Variants in ARMH3 observed in about 807,000 individuals in gnomAD.
ARMH3 encodes the protein armadillo like helical domain containing 3.
In ARMH3, 60 loss-of-function variants were observed where a neutral mutation model predicts 99.1. The observed-to-expected ratio is 0.61, with a 90% CI of 0.49 to 0.75. ARMH3 has a LOEUF of 0.75. Among genes scored for constraint, ARMH3 ranks in the 30% least tolerant of loss-of-function variants. The pLI, the probability that ARMH3 is intolerant of heterozygous loss-of-function variation, is 0.00. For synonymous variants in ARMH3, 285 were observed against 292.8 expected (o/e 0.97, Z 0.27); for missense variants, 679 against 843.1 (o/e 0.81, Z 2.41).
chr10:101,885,758 A>G (rs1188998182), intron 24 of ARMH3, among the ~76,000 whole-genome samples: 1 of 152,206 alleles, frequency 6.6e-6, no homozygotes, highest in Non-Finnish European at 1.5e-5. Context: ...GTACACTTAA[A>G]AAGGGTTAAA....
chr10:102,035,755 A>G (rs1362787681), intron 2 of ARMH3, among the ~76,000 whole-genome samples: 1 of 151,788 alleles, frequency 6.6e-6, no homozygotes, highest in Non-Finnish European at 1.5e-5. Context: ...GGCTCGCTAC[A>G]TCCTCCACCT....
intron 15 of ARMH3, among the ~76,000 whole-genome samples, chr10:101,999,888 G>A (rs118165209): frequency 0.055 from 8,423 of 151,994 alleles, 249 homozygotes; most frequent in African/African-American, 0.058. Flanking sequence ...TTTGAGACCA[G>A]CCTGGTCAAC....
intron 1 of ARMH3, among the ~76,000 whole-genome samples, chr10:102,041,470 T>C (rs2067424219): frequency 6.6e-6 from 1 of 152,122 alleles, no homozygotes; most frequent in South Asian, 2.1e-4. Flanking sequence ...TTGGAAAATG[T>C]GCACTATCTT....
At chr10:101,871,609 G>A (rs11191138) in intron 24 of ARMH3, among the ~76,000 whole-genome samples, 3,299 of 152,044 alleles carry the variant, frequency 0.022, 52 homozygotes, top group Middle Eastern at 0.044. Flanking sequence ...AATATTTGGC[G>A]GGGGGGAAAG....
chr10:101,981,063 G>A (rs1298928537), intron 19 of ARMH3, among the ~76,000 whole-genome samples: 1 of 148,980 alleles, frequency 6.7e-6, no homozygotes, highest in East Asian at 2.0e-4. Context: ...CTGTTGGGGG[G>A]TTGGGGGGTG....
chr10:102,007,175 A>AAAAAAAG (rs1564842842), intron 13 of ARMH3, among the ~76,000 whole-genome samples: 3 of 149,754 alleles, frequency 2.0e-5, no homozygotes, highest in East Asian at 1.9e-4. Context: ...AAAAAAAAAA[A>AAAAAAAG]AAAGAAAAAA....
At chr10:101,934,115 C>T (rs1590045585) in intron 23 of ARMH3, among the ~76,000 whole-genome samples, 2 of 152,298 alleles carry the variant, frequency 1.3e-5, no homozygotes, top group African/African-American at 4.8e-5. Flanking sequence ...GAATTCTGTA[C>T]ACAGCCTATT....
intron 24 of ARMH3, among the ~76,000 whole-genome samples, chr10:101,870,152 C>T (rs1271686420): frequency 6.6e-6 from 1 of 152,154 alleles, no homozygotes; most frequent in East Asian, 1.9e-4. Context: ...AGAAAAGACA[C>T]ACATTACTCA....
chr10:101,912,022 G>A (rs754604798), intron 23 of ARMH3, among the ~76,000 whole-genome samples: 12 of 150,802 alleles, frequency 8.0e-5, no homozygotes, highest in African/African-American at 2.2e-4. Context: ...AGCAGAGCGA[G>A]ACTCCATCTC....
chr10:101,848,437 A>G (rs2066510134), intron 25 of ARMH3, among the ~76,000 whole-genome samples: 1 of 152,174 alleles, frequency 6.6e-6, no homozygotes, highest in Non-Finnish European at 1.5e-5. Context: ...CAGACTCTTC[A>G]AGGAGATTTC....
chr10:101,990,347 A>G (rs1277129979), intron 19 of ARMH3, among the ~76,000 whole-genome samples: 2 of 151,870 alleles, frequency 1.3e-5, no homozygotes, highest in Non-Finnish European at 2.9e-5. Flanking sequence ...CTGCGCCCAG[A>G]TAATTTTTTG....
intron 8 of ARMH3, among the ~76,000 whole-genome samples, chr10:102,020,749 A>G (rs2066865726): frequency 6.7e-6 from 1 of 149,204 alleles, no homozygotes; most frequent in African/African-American, 2.5e-5. Flanking sequence ...GCTACTCAGG[A>G]GGCTAAGGCA....
At chr10:101,975,172 G>T (rs1269608760) in intron 20 of ARMH3, 40 bp downstream of exon 20, 3 of 1,565,746 alleles carry the variant, frequency 1.9e-6, no homozygotes. Flanking sequence ...GCTCAAAAAA[G>T]GTATAGAAAA....
At chr10:101,911,964 C>T (rs556481828) in intron 23 of ARMH3, among the ~76,000 whole-genome samples, 5 of 152,102 alleles carry the variant, frequency 3.3e-5, no homozygotes, top group African/African-American at 9.6e-5. Flanking sequence ...ACCCAGGAGG[C>T]GGAGGTTGCA....
chr10:101,861,124 A>T (rs1369358119), intron 24 of ARMH3, among the ~76,000 whole-genome samples: 1 of 152,212 alleles, frequency 6.6e-6, no homozygotes, highest in Non-Finnish European at 1.5e-5. Flanking sequence ...CCATTAACAT[A>T]ATAAAGAGAA....
chr10:102,008,730 A>T (rs12416303), intron 13 of ARMH3, among the ~76,000 whole-genome samples: 2 of 147,114 alleles, frequency 1.4e-5, no homozygotes, highest in Non-Finnish European at 3.0e-5. Flanking sequence ...TTTTTTTTTA[A>T]TTTTTTTTTT....
chr10:101,881,900 C>G (rs960123741), intron 24 of ARMH3, among the ~76,000 whole-genome samples: 1 of 152,204 alleles, frequency 6.6e-6, no homozygotes, highest in Non-Finnish European at 1.5e-5. Flanking sequence ...TCTTTCAAGG[C>G]CAAACTCCAT....
rs1313690566 is a variant in ARMH3 at position 102,002,076 on chromosome 10, G to A, written c.1049-4C>T. On this transcript the variant is annotated splice_region_variant and splice_polypyrimidine_tract_variant and intron_variant, in intron 14 of 25. Transcript: ENST00000370033. ...GGGAGTTCCACAGAACTTATAACTG[G>A]AATAGAACAGATAAAATGCACTTAG... The A allele has an allele frequency of 1.2e-6, 2 of 1,613,652 alleles. No individual in the cohort carries two copies. The highest frequency in any genetic ancestry group is 1.7e-6 in the Non-Finnish European group (2 of 1,179,926).
chr10:102,034,186 A>G (rs34889044), intron 2 of ARMH3, among the ~76,000 whole-genome samples: 198 of 152,328 alleles, frequency 1.3e-3, no homozygotes, highest in Non-Finnish European at 2.4e-3. Context: ...TGCATTTAGT[A>G]TTCTGTACAG....
Sources: allele counts gnomAD v4.1 joint callset (sites outside exome capture counted in the v4.1 genomes callset), GRCh38; gene constraint gnomAD v4.1.1; transcripts MANE v1.5; gene names NCBI Gene and HGNC (gene_info 2026-07-23, HGNC 2026-07-21).